RAP1GDS1: variants seen among roughly 807,000 people sequenced by gnomAD.
RAP1GDS1 encodes the protein Rap1 GTPase-GDP dissociation stimulator 1.
RAP1GDS1 carries 35 observed loss-of-function variants against 71.1 expected under a neutral mutation model. The ratio of observed to expected loss-of-function variants is 0.49; its 90% CI spans 0.38 to 0.65. The LOEUF (loss-of-function observed/expected upper bound fraction) is 0.65. RAP1GDS1 is among the 30% of genes least tolerant of loss of function. The pLI is 0.00. For missense variants in RAP1GDS1, 663 were observed against 706.1 expected, an observed-to-expected ratio of 0.94 and a Z score of 0.69; for synonymous variants, 229 against 243.1, an observed-to-expected ratio of 0.94 and a Z score of 0.54.
At chr4:98,330,614 C>G (rs1479799321) in intron 2 of RAP1GDS1, among the ~76,000 whole-genome samples, 1 of 150,306 alleles carries the variant, frequency 6.7e-6, no homozygotes, top group Non-Finnish European at 1.5e-5. Flanking sequence ...TCCCCACATC[C>G]CAGACGATGG....
chr4:98,394,051 AG>A (rs1445239943), intron 6 of RAP1GDS1, among the ~76,000 whole-genome samples: 2 of 152,184 alleles, frequency 1.3e-5, no homozygotes, highest in African/African-American at 4.8e-5. Context: ...AGTACATAGA[AG>A]AAAGCAAAGA....
intron 14 of RAP1GDS1, 116 bp downstream of exon 14, chr4:98,437,184 G>A (rs528136544): frequency 4.4e-6 from 5 of 1,126,964 alleles, no homozygotes; most frequent in Admixed American, 3.4e-5. Context: ...ATTAGTTTAT[G>A]GAGGTTATAA....
intron 4 of RAP1GDS1, among the ~76,000 whole-genome samples, chr4:98,373,319 A>G (rs1740669540): frequency 6.6e-6 from 1 of 150,850 alleles, no homozygotes; most frequent in Non-Finnish European, 1.5e-5. Context: ...TTTATTTCTT[A>G]TTTTTTCTGT....
At position 98,323,164 on chromosome 4, in the gene RAP1GDS1, A is replaced by G. The variant is rs1175905835; in HGVS notation, c.113-19975A>G. ...AACACCTCTATGCAAATAAACTAGA[A>G]AATCTAGAAGAAATGGATACATTCC... On this transcript the variant is annotated intron_variant, in intron 2 of 14. Transcript: ENST00000408927. Among the ~76,000 whole-genome samples the G allele has an allele frequency of 7.4e-5, 11 of 147,968 alleles. No individual in the cohort carries two copies. The East Asian group carries it at 2.2e-3, about 29-fold the overall frequency.
At chr4:98,386,137 A>T (rs957754800) in intron 5 of RAP1GDS1, among the ~76,000 whole-genome samples, 1 of 151,856 alleles carries the variant, frequency 6.6e-6, no homozygotes. Context: ...CAGAATAAAC[A>T]TATCTATAGA....
At chr4:98,271,021 CTGTT>C (rs1278373762) in intron 1 of RAP1GDS1, among the ~76,000 whole-genome samples, 2 of 151,850 alleles carry the variant, frequency 1.3e-5, no homozygotes, top group South Asian at 2.1e-4. Context: ...TGTTAATTGA[CTGTT>C]TATGTTATTG....
Position 98,341,697 on chromosome 4 carries a change from C to A in RAP1GDS1, c.113-1442C>A, listed in dbSNP as rs529376728. Reference sequence around the variant, plus strand: ...TTAACATGGCAAATTAAGTTTAGTTCTTTATGGCTTTTTGCTTAAAAAAAA... The same window carrying A: ...TTAACATGGCAAATTAAGTTTAGTTATTTATGGCTTTTTGCTTAAAAAAAA... On this transcript the variant is annotated intron_variant, in intron 2 of 14. Coordinates refer to ENST00000408927, the MANE Select transcript of RAP1GDS1 (RefSeq NM_001100427.2). Among the ~76,000 whole-genome samples the A allele has an allele frequency of 5.3e-5, 8 of 149,848 alleles. No individual in the cohort carries two copies. In the South Asian group the frequency reaches 1.7e-3, roughly 32 times the overall value.
At chr4:98,394,016 G>T (rs1744141386) in intron 6 of RAP1GDS1, among the ~76,000 whole-genome samples, 1 of 152,030 alleles carries the variant, frequency 6.6e-6, no homozygotes, top group South Asian at 2.1e-4. Flanking sequence ...CTCTGTTAAG[G>T]CCCTCCCTTT....
At chr4:98,263,131 A>T (rs1427962817) in intron 1 of RAP1GDS1, among the ~76,000 whole-genome samples, 2 of 152,202 alleles carry the variant, frequency 1.3e-5, no homozygotes, top group Non-Finnish European at 2.9e-5. Flanking sequence ...TTGAACATAC[A>T]CAGATAAAAT....
chr4:98,440,992 C>T (rs1256285523), intron 14 of RAP1GDS1, among the ~76,000 whole-genome samples: 5 of 152,292 alleles, frequency 3.3e-5, no homozygotes, highest in Admixed American at 3.3e-4. Flanking sequence ...CACGCCTGGC[C>T]CAAGTTGTAG....
intron 7 of RAP1GDS1, among the ~76,000 whole-genome samples, chr4:98,411,285 T>C (rs897665060): frequency 1.1e-4 from 17 of 152,194 alleles, no homozygotes; most frequent in African/African-American, 3.9e-4. Context: ...TTGATTTCAG[T>C]CAAATTGTGA....
At chr4:98,403,150 A>G (rs1480714673) in intron 6 of RAP1GDS1, among the ~76,000 whole-genome samples, 4 of 152,156 alleles carry the variant, frequency 2.6e-5, no homozygotes, top group African/African-American at 9.7e-5. Context: ...GAGAAAAGGC[A>G]TAGATAACAG....
intron 4 of RAP1GDS1, among the ~76,000 whole-genome samples, chr4:98,377,448 T>A (rs1435743814): frequency 6.6e-6 from 1 of 151,884 alleles, no homozygotes; most frequent in Non-Finnish European, 1.5e-5. Flanking sequence ...AGCTAGTTAC[T>A]CTGGCAGTAT....
chr4:98,328,477 C>T (rs772661104), intron 2 of RAP1GDS1, among the ~76,000 whole-genome samples: 8 of 152,142 alleles, frequency 5.3e-5, no homozygotes, highest in African/African-American at 9.7e-5. Flanking sequence ...GTGAACTTTC[C>T]GTGTGATTCG....
At chr4:98,336,976 A>G (rs909278842) in intron 2 of RAP1GDS1, among the ~76,000 whole-genome samples, 4 of 151,628 alleles carry the variant, frequency 2.6e-5, no homozygotes, top group African/African-American at 7.3e-5. Flanking sequence ...CTCACTGCAA[A>G]CTCTGCCTCC....
intron 1 of RAP1GDS1, 179 bp downstream of exon 1, chr4:98,261,748 G>A: frequency 2.4e-6 from 2 of 839,238 alleles, no homozygotes; most frequent in South Asian, 2.2e-5. Flanking sequence ...TGCCGGGGCT[G>A]GGAGGGTCCC....
At chr4:98,391,889 A>G (rs1344470766) in intron 5 of RAP1GDS1, 63 bp from the exon 6 acceptor site, 6 of 1,429,632 alleles carry the variant, frequency 4.2e-6, no homozygotes, top group Non-Finnish European at 5.6e-6. Flanking sequence ...TTTTCTTCTT[A>G]TAATGTTCAT....
chr4:98,269,864 A>C (rs934193550), intron 1 of RAP1GDS1, among the ~76,000 whole-genome samples: 2 of 152,184 alleles, frequency 1.3e-5, no homozygotes, highest in Non-Finnish European at 2.9e-5. Context: ...TGCATAAGGG[A>C]TACTCAATCT....
chr4:98,380,919 A>C (rs1234428565), intron 5 of RAP1GDS1, among the ~76,000 whole-genome samples: 1 of 151,710 alleles, frequency 6.6e-6, no homozygotes, highest in East Asian at 1.9e-4. Context: ...ATCTGTATAG[A>C]GGTATTAATA....
Sources: gnomAD v4.1 joint callset for allele counts (sites outside exome capture counted in the v4.1 genomes callset) on GRCh38, gnomAD v4.1.1 for gene constraint, MANE v1.5 for transcripts, NCBI Gene and HGNC (gene_info 2026-07-23, HGNC 2026-07-21) for gene names.